CDC42BPA: variants seen among roughly 807,000 people sequenced by gnomAD.
CDC42BPA encodes the protein serine/threonine-protein kinase MRCK alpha.
Under a neutral mutation model 223.5 loss-of-function variants are expected in CDC42BPA, and 80 were observed. The ratio of observed to expected loss-of-function variants is 0.36; its 90% confidence interval spans 0.30 to 0.43. The LOEUF is 0.43. Ranked by LOEUF, CDC42BPA falls within the 20% of genes least tolerant of loss-of-function variation. The pLI, the probability that CDC42BPA is intolerant of heterozygous loss-of-function variation, is 1.00. For synonymous variants in CDC42BPA, 694 were observed against 718.6 expected (o/e 0.97, Z 0.55); for missense variants, 1,743 against 2,099.9 (o/e 0.83, Z 3.32).
chr1:227,142,329 T>TA, intron 9 of CDC42BPA, among the ~76,000 whole-genome samples: 1 of 152,208 alleles, frequency 6.6e-6, no homozygotes, highest in Middle Eastern at 3.4e-3. Context: ...ATGGTAGAAT[T>TA]AATGGGTTGA....
intron 5 of CDC42BPA, among the ~76,000 whole-genome samples, chr1:227,176,654 T>G (rs1207046200): frequency 1.3e-5 from 2 of 152,122 alleles, no homozygotes; most frequent in Non-Finnish European, 1.5e-5. Context: ...TACTGATATC[T>G]CTATAGCCAT....
rs1667751988 is a variant in CDC42BPA at position 227,180,498 on chromosome 1, T to C, written c.599+13288A>G. On this transcript the variant is annotated intron_variant, in intron 5 of 36. Coordinates refer to ENST00000366766, the MANE Select transcript of CDC42BPA (RefSeq NM_001394014.1). ...CCTTCTCAATCAAAATGGCTTCTAA[T>C]AGGGTCCTTCCAGTTTGAAGGCAAA... 2.0e-5 allele frequency: 3 copies of C among 152,240 alleles called. No homozygotes were observed. In the South Asian group the frequency reaches 6.2e-4, roughly 32 times the overall value. 9.4% of individuals were successfully genotyped at this position (152,240 alleles called of 1,614,324 possible).
At chr1:227,257,653 C>A (rs192314528) in intron 1 of CDC42BPA, among the ~76,000 whole-genome samples, 36 of 150,762 alleles carry the variant, frequency 2.4e-4, no homozygotes, top group Admixed American at 2.1e-3. Context: ...ACTTGGGAGG[C>A]TGAGGCAGGA....
chr1:227,268,752 C>G (rs2102638), intron 1 of CDC42BPA, among the ~76,000 whole-genome samples: 29,632 of 150,268 alleles, frequency 0.2, 3,005 homozygotes, highest in Middle Eastern at 0.26. Context: ...CTGGCGTGAT[C>G]CCGGTTCACT....
chr1:227,026,241 G>GACCTTTC, intron 30 of CDC42BPA, 89 bp from the exon 31 acceptor site: 1 of 679,996 alleles, frequency 1.5e-6, no homozygotes, highest in Non-Finnish European at 2.5e-6. Flanking sequence ...AATAACTGTA[G>GACCTTTC]AGTGGAATCC....
intron 5 of CDC42BPA, among the ~76,000 whole-genome samples, chr1:227,167,514 C>A (rs1401537035): frequency 6.6e-6 from 1 of 152,142 alleles, no homozygotes; most frequent in Non-Finnish European, 1.5e-5. Flanking sequence ...AAAATTAATG[C>A]TTCTCAGTTT....
At position 226,990,004 on chromosome 1, in the gene CDC42BPA, ATTGT is replaced by A. The variant is rs1347569540; in HGVS notation, c.*4260_*4263del. 1 of 152,630 alleles carries A rather than the reference ATTGT, an allele frequency of 6.6e-6. No individual in the cohort carries two copies. Among genetic ancestry groups the A allele is most frequent in the South Asian group, 2.1e-4 (1 of 4,834 alleles). The allele number at this position is 152,630 out of a possible 1,614,324, so 9.5% of individuals were successfully genotyped here. On this transcript the variant is annotated 3_prime_UTR_variant, in exon 37 of 37. Transcript: ENST00000366766. The stretch of plus-strand genomic sequence containing the variant: ...ATTTCTGTGCAAAAGAATCCACATC[ATTGT>A]TTGGTAGCAGAGGATCTCTTAAAAA...
intron 7 of CDC42BPA, among the ~76,000 whole-genome samples, chr1:227,146,479 T>C (rs1431122914): frequency 1.3e-5 from 2 of 152,170 alleles, no homozygotes; most frequent in East Asian, 3.8e-4. Flanking sequence ...TTTTTATACA[T>C]GTAAAGCAAC....
intron 1 of CDC42BPA, among the ~76,000 whole-genome samples, chr1:227,294,888 A>AAAG (rs1690385914): frequency 7.0e-6 from 1 of 142,064 alleles, no homozygotes; most frequent in Non-Finnish European, 1.5e-5. Context: ...AAAAAAAAAG[A>AAAG]GGTTAATTAA....
chr1:227,016,576 G>A (rs1453250333), intron 33 of CDC42BPA, among the ~76,000 whole-genome samples: 1 of 152,154 alleles, frequency 6.6e-6, no homozygotes, highest in Non-Finnish European at 1.5e-5. Flanking sequence ...CATGAAGAGA[G>A]TAGTTAGTCT....
At chr1:227,170,966 A>C (rs1157692489) in intron 5 of CDC42BPA, among the ~76,000 whole-genome samples, 2 of 152,244 alleles carry the variant, frequency 1.3e-5, no homozygotes, top group Non-Finnish European at 2.9e-5. Flanking sequence ...TTCTGGAAGA[A>C]GCAGCAAAAT....
intron 1 of CDC42BPA, among the ~76,000 whole-genome samples, chr1:227,276,815 C>A (rs1034036420): frequency 6.6e-6 from 1 of 152,028 alleles, no homozygotes; most frequent in Non-Finnish European, 1.5e-5. Context: ...TGTGTCCACT[C>A]AGGGTTAAAC....
At chr1:227,281,097 TG>T (rs1423920328) in intron 1 of CDC42BPA, among the ~76,000 whole-genome samples, 5 of 152,308 alleles carry the variant, frequency 3.3e-5, no homozygotes, top group Admixed American at 2.6e-4. Flanking sequence ...ACAAACACCA[TG>T]GCCCATGTGA....
intron 3 of CDC42BPA, among the ~76,000 whole-genome samples, chr1:227,211,725 TG>T (rs953123156): frequency 8.6e-5 from 13 of 151,510 alleles, no homozygotes; most frequent in African/African-American, 3.1e-4. Context: ...TGAGTACACA[TG>T]GACATACAGA....
chr1:227,275,628 T>C (rs1686826157), intron 1 of CDC42BPA, among the ~76,000 whole-genome samples: 1 of 143,686 alleles, frequency 7.0e-6, no homozygotes, highest in Admixed American at 6.9e-5. Context: ...GTCTCCCACT[T>C]TCCATGGTCT....
intron 1 of CDC42BPA, among the ~76,000 whole-genome samples, chr1:227,298,232 C>T (rs1691051788): frequency 6.6e-6 from 1 of 151,566 alleles, no homozygotes; most frequent in African/African-American, 2.4e-5. Flanking sequence ...GTACTGAAGA[C>T]AAGCAACAGT....
rs1660998689 is a variant in CDC42BPA, at chr1:226,993,489, C to T, written c.*779G>A. Reference sequence around the variant, plus strand: ...GGCTCTGCAAGTGTTTTCTACAGCTCCCCAGGTGACTAGAGCCTATGACCA... The same window carrying T: ...GGCTCTGCAAGTGTTTTCTACAGCTTCCCAGGTGACTAGAGCCTATGACCA... On this transcript the variant is annotated 3_prime_UTR_variant, in exon 37 of 37. Coordinates refer to ENST00000366766, the MANE Select transcript of CDC42BPA (RefSeq NM_001394014.1). 6.6e-6 allele frequency: 1 copy of T among 152,462 alleles called. No homozygotes were observed. Among genetic ancestry groups the T allele is most frequent in the Admixed American group, 6.5e-5 (1 of 15,270 alleles). The allele number at this position is 152,462 out of a possible 1,614,324, so 9.4% of individuals were successfully genotyped here. A position where few individuals can be genotyped will look rare whatever the true frequency, so the allele number is the denominator to read the frequency against.
chr1:227,316,149 C>G (rs1396375342), intron 1 of CDC42BPA, among the ~76,000 whole-genome samples: 4 of 152,156 alleles, frequency 2.6e-5, no homozygotes, highest in African/African-American at 7.2e-5. Context: ...ACAGACAGAT[C>G]TGGGTGACGA....
chr1:227,116,457 T>C (rs1687791132), intron 12 of CDC42BPA, among the ~76,000 whole-genome samples: 2 of 152,154 alleles, frequency 1.3e-5, no homozygotes, highest in Non-Finnish European at 2.9e-5. Flanking sequence ...CAAACATTAT[T>C]AGCGATGAAA....
Sources: allele counts gnomAD v4.1 joint callset (sites outside exome capture counted in the v4.1 genomes callset), GRCh38; gene constraint gnomAD v4.1.1; transcripts MANE v1.5; gene names NCBI Gene and HGNC (gene_info 2026-07-23, HGNC 2026-07-21).